OTUD7B: variants seen among roughly 807,000 people sequenced by gnomAD.
The protein encoded by OTUD7B is OTU domain-containing protein 7B.
Under a neutral mutation model 82.2 loss-of-function variants are expected in OTUD7B, and 34 were observed. That is an observed-to-expected ratio of 0.41 (90% CI 0.31 to 0.55). The LOEUF (loss-of-function observed/expected upper bound fraction) is 0.55, where lower values mean the gene tolerates loss of function less well. OTUD7B is among the 20% of genes least tolerant of loss of function. OTUD7B has a pLI of 0.20. For synonymous variants in OTUD7B, 398 were observed against 402.7 expected, an observed-to-expected ratio of 0.99 and a Z score of 0.14; for missense variants, 944 against 1,062.1, an observed-to-expected ratio of 0.89 and a Z score of 1.55.
At chr1:149,981,659 T>G (rs995986967) in intron 1 of OTUD7B, among the ~76,000 whole-genome samples, 4 of 152,234 alleles carry the variant, frequency 2.6e-5, no homozygotes, top group Non-Finnish European at 5.9e-5. Context: ...CAGTACTTGC[T>G]TGTACCTATA....
the OTUD7B span, among the ~76,000 whole-genome samples, chr1:150,045,370 A>C: frequency 6.6e-6 from 1 of 152,122 alleles, no homozygotes; most frequent in East Asian, 1.9e-4. Context: ...CTGAGATTAC[A>C]GGTGTGAGCC....
chr1:149,947,334 C>T lies in OTUD7B; in HGVS notation c.1240G>A (p.Val414Ile). Residue 414 changes from valine (V) to isoleucine (I), a missense_variant and splice_region_variant, in exon 11 of 12, where the codon GTA (valine) becomes ATA (isoleucine). This residue lies in a region of OTUD7B where 530 missense variants were observed against 625.6 expected (regional missense o/e 0.85). Coordinates refer to ENST00000581312, the MANE Select transcript of OTUD7B (RefSeq NM_020205.4). ...AATTTGACCTCTAGGGACAGAATTA[C>T]ACTATGAAAAAGAGAAAAAACAAAT... is the stretch of plus-strand genomic sequence containing the variant. ...DDSDNVRLAS[V>I]ILSLEVKLHL... 1 of 1,587,444 alleles carries T rather than the reference C, an allele frequency of 6.3e-7. No individual in the cohort carries two copies. The highest frequency in any genetic ancestry group is 8.6e-7 in the Non-Finnish European group (1 of 1,156,332).
Position 149,960,418 on chromosome 1 carries a change from A to G in OTUD7B, c.733-622T>C, listed in dbSNP as rs1553775441. 1.5e-4 allele frequency among the ~76,000 whole-genome samples: 3 copies of G among 19,548 alleles called. 1 individual carries two copies. The highest frequency in any genetic ancestry group is 1.1e-4 in the Non-Finnish European group (1 of 8,916). 12.8% of individuals were successfully genotyped at this position (19,548 alleles called of 152,430 possible). A position where few individuals can be genotyped will look rare whatever the true frequency, so the allele number is the denominator to read the frequency against. On this transcript the variant is annotated intron_variant, in intron 6 of 11. Transcript: ENST00000581312. Reference sequence around the variant, plus strand: ...TTTTCTTTTTTTTTTTTTTGTAGACAGAGTCACCCAGGCTGGAGTGCAATG... The same window carrying G: ...TTTTCTTTTTTTTTTTTTTGTAGACGGAGTCACCCAGGCTGGAGTGCAATG...
At chr1:150,001,022 C>T (rs1037703551) in intron 1 of OTUD7B, among the ~76,000 whole-genome samples, 2 of 151,714 alleles carry the variant, frequency 1.3e-5, no homozygotes, top group South Asian at 2.1e-4. Context: ...AAAGATGTGG[C>T]GGGGCAGAGG....
chr1:150,052,884 C>T, the OTUD7B span, among the ~76,000 whole-genome samples: 1 of 150,792 alleles, frequency 6.6e-6, no homozygotes. Context: ...AATAAGGCCA[C>T]ACACCTATGA....
rs1258935154 is a variant in OTUD7B, at chr1:149,948,954, C to G, written c.1238+15G>C. ...TCCCAGCACAAAATAGATGAAAAGACTAGGCCTGGCTTACCTGGCCAATCG... is the reference window on the plus strand; with the variant it reads ...TCCCAGCACAAAATAGATGAAAAGAGTAGGCCTGGCTTACCTGGCCAATCG... On this transcript the variant is annotated intron_variant, in intron 10 of 11. Transcript: ENST00000581312. The G allele has an allele frequency of 4.7e-6, 7 of 1,504,784 alleles. No homozygotes were observed. The highest frequency in any genetic ancestry group is 5.6e-6 in the Non-Finnish European group (6 of 1,080,692). The allele number at this position is 1,504,784 out of a possible 1,614,324, so 93.2% of individuals were successfully genotyped here. A position where few individuals can be genotyped will look rare whatever the true frequency, so the allele number is the denominator to read the frequency against.
intron 1 of OTUD7B, among the ~76,000 whole-genome samples, chr1:150,007,583 T>G (rs1652750221): frequency 6.6e-6 from 1 of 152,196 alleles, no homozygotes; most frequent in Non-Finnish European, 1.5e-5. Context: ...CAAAGACACA[T>G]GTCTTTACAT....
At position 149,943,997 on chromosome 1, in the gene OTUD7B, T is replaced by C; in HGVS notation, c.2392A>G (p.Thr798Ala). 6.2e-7 allele frequency: 1 copy of C among 1,614,194 alleles called. No homozygotes were observed. The highest frequency in any genetic ancestry group is 1.1e-5 in the South Asian group (1 of 91,086). ...WAGGLRGLPP[T>A]QTKCKQPNCS... ...TTCGGTTGTTTGCATTTGGTCTGAG[T>C]TGGGGGAAGGCCCCGGAGACCTCCA... Residue 798 changes from threonine (T) to alanine (A), a missense_variant, in exon 12 of 12, where the codon ACT becomes GCT. This residue lies in a region of OTUD7B where 412 missense variants were observed against 418.7 expected (regional missense o/e 0.98). Coordinates refer to ENST00000581312, the MANE Select transcript of OTUD7B (RefSeq NM_020205.4).
At chr1:149,960,911 C>A (rs1422861519) in intron 6 of OTUD7B, 6 of 145,736 alleles carry the variant, frequency 4.1e-5, no homozygotes, top group South Asian at 2.2e-4. Flanking sequence ...CCACCCCACA[C>A]CTGGATACCT....
intron 1 of OTUD7B, among the ~76,000 whole-genome samples, chr1:149,979,839 G>A (rs1179179576): frequency 1.3e-5 from 2 of 152,160 alleles, no homozygotes; most frequent in Non-Finnish European, 2.9e-5. Flanking sequence ...CCTTAGGTCA[G>A]AGGAAGTGGT....
chr1:149,967,374 G>C lies in OTUD7B; in HGVS notation c.422C>G (p.Thr141Ser). 2 of 1,614,150 alleles carry C rather than the reference G, an allele frequency of 1.2e-6. No individual in the cohort carries two copies. Among genetic ancestry groups the C allele is most frequent in the Non-Finnish European group, 8.5e-7 (1 of 1,179,990 alleles). Residue 141 changes from threonine to serine, a missense_variant, in exon 4 of 12, where the codon ACT becomes AGT. Coordinates refer to ENST00000581312, the MANE Select transcript of OTUD7B (RefSeq NM_020205.4). ...GCTGCGGAAGTCTTCATTGTATACA[G>C]TGAGATCTGGAAGCTGGAAGGCACA... ...PICAFQLPDL[T>S]VYNEDFRSFI...
Position 149,964,793 on chromosome 1 carries a change from G to A in OTUD7B, c.605-444C>T, listed in dbSNP as rs4463714. Among the ~76,000 whole-genome samples, 691 of 146,090 alleles carry A rather than the reference G, an allele frequency of 4.7e-3. 8 individuals carry two copies. The highest frequency in any genetic ancestry group is 0.016 in the African/African-American group (650 of 39,622). On this transcript the variant is annotated intron_variant, in intron 5 of 11. Coordinates refer to ENST00000581312, the MANE Select transcript of OTUD7B (RefSeq NM_020205.4). ...ATTTTTAGTAGATACAGGGTTTCAC[G>A]ATGTTGGCCAGGCTGGTCTCGAACT... is the stretch of plus-strand genomic sequence containing the variant.
At chr1:149,997,589 G>A (rs1652000421) in intron 1 of OTUD7B, among the ~76,000 whole-genome samples, 2 of 152,136 alleles carry the variant, frequency 1.3e-5, no homozygotes, top group Admixed American at 6.6e-5. Context: ...GAGAGACTAT[G>A]CACTTAAATC....
At chr1:149,980,625 T>C (rs1380503665) in intron 1 of OTUD7B, among the ~76,000 whole-genome samples, 2 of 151,674 alleles carry the variant, frequency 1.3e-5, no homozygotes, top group Non-Finnish European at 2.9e-5. Context: ...GGCAGAAGGA[T>C]CACTTGAACC....
chr1:150,046,192 T>G, the OTUD7B span, among the ~76,000 whole-genome samples: 3 of 152,060 alleles, frequency 2.0e-5, no homozygotes, highest in African/African-American at 7.2e-5. Context: ...GGCATATGGG[T>G]GATCTACGTA....
At position 149,944,353 on chromosome 1, in the gene OTUD7B, G is replaced by A. The variant is rs781787180; in HGVS notation, c.2036C>T (p.Pro679Leu). Residue 679 changes from proline to leucine, a missense_variant, in exon 12 of 12, where the codon CCC becomes CTC. Physicochemically the swap from Pro to Leu is moderately conservative, Grantham distance 98. Coordinates refer to ENST00000581312, the MANE Select transcript of OTUD7B (RefSeq NM_020205.4). ...PDAREEQPTG[P>L]PAESRAMAFS... The stretch of plus-strand genomic sequence containing the variant: ...TGCCATTGCCCTGGACTCTGCTGGG[G>A]GACCGGTCGGCTGCTCTTCCCTAGC... 3.7e-6 allele frequency: 6 copies of A among 1,613,462 alleles called. No individual in the cohort carries two copies. Among genetic ancestry groups the A allele is most frequent in the Non-Finnish European group, 5.1e-6 (6 of 1,179,646 alleles).
intron 11 of OTUD7B, among the ~76,000 whole-genome samples, chr1:149,946,905 T>C (rs1647802032): frequency 1.4e-5 from 2 of 145,320 alleles, no homozygotes; most frequent in East Asian, 2.1e-4. Context: ...ATACAAAAAT[T>C]AGCTGGGCGT....
intron 6 of OTUD7B, among the ~76,000 whole-genome samples, chr1:149,960,174 T>A (rs1409779621): frequency 1.3e-5 from 2 of 152,050 alleles, no homozygotes; most frequent in African/African-American, 4.8e-5. Context: ...TTTTCCTCTT[T>A]AAATTTTCTT....
upstream of OTUD7B, among the ~76,000 whole-genome samples, chr1:150,014,109 A>ATATATATATATATAT (rs1559875242): frequency 4.9e-5 from 5 of 101,062 alleles, no homozygotes; most frequent in African/African-American, 8.8e-5. Context: ...TATATATAGT[A>ATATATATATATATAT]GGGGCTCAGC....
Sources: allele counts gnomAD v4.1 joint callset (sites outside exome capture counted in the v4.1 genomes callset), GRCh38; gene constraint gnomAD v4.1.1; regional missense constraint gnomAD v4.1.1; transcripts MANE v1.5; gene names NCBI Gene and HGNC (gene_info 2026-07-23, HGNC 2026-07-21).